Variants in PRKCA observed in about 807,000 individuals in gnomAD.
The protein encoded by PRKCA is protein kinase C alpha.
PRKCA carries 27 observed loss-of-function variants against 87.0 expected under a neutral mutation model. The ratio of observed to expected loss-of-function variants is 0.31; its 90% CI spans 0.23 to 0.43. The LOEUF is 0.43. Ranked by LOEUF, PRKCA falls within the 20% of genes least tolerant of loss-of-function variation. The probability of loss-of-function intolerance (pLI) is 1.00; values close to 1 mark genes in which losing one functional copy is unlikely to be tolerated. For missense variants in PRKCA, 518 were observed against 852.3 expected (o/e 0.61, Z 4.88); for synonymous variants, 329 against 311.1 (o/e 1.06, Z -0.61).
At chr17:66,621,432 T>G (rs1970678254) in intron 3 of PRKCA, among the ~76,000 whole-genome samples, 1 of 152,240 alleles carries the variant, frequency 6.6e-6, no homozygotes, top group African/African-American at 2.4e-5. Flanking sequence ...AAAAACATAC[T>G]TTGCTTTAAG....
intron 3 of PRKCA, chr17:66,554,499 A>G: frequency 4.3e-6 from 4 of 932,110 alleles, no homozygotes; most frequent in Non-Finnish European, 5.1e-6. Context: ...GACTACTCAC[A>G]TCATTTCTAT....
chr17:66,444,402 G>A (rs1453880704), intron 2 of PRKCA, among the ~76,000 whole-genome samples: 1 of 152,144 alleles, frequency 6.6e-6, no homozygotes, highest in Non-Finnish European at 1.5e-5. Flanking sequence ...TTAATGGGCC[G>A]CCTTTTATTT....
At chr17:66,535,143 G>A (rs1160700311) in intron 3 of PRKCA, among the ~76,000 whole-genome samples, 2 of 152,172 alleles carry the variant, frequency 1.3e-5, no homozygotes, top group Non-Finnish European at 2.9e-5. Context: ...TAGAGAGGTT[G>A]AGTAACTCCT....
At chr17:66,499,775 T>C (rs1185107892) in intron 3 of PRKCA, among the ~76,000 whole-genome samples, 1 of 152,194 alleles carries the variant, frequency 6.6e-6, no homozygotes, top group East Asian at 1.9e-4. Flanking sequence ...TAGATGAATT[T>C]TTTTTAATGT....
intron 5 of PRKCA, among the ~76,000 whole-genome samples, chr17:66,682,348 T>C (rs913409620): frequency 3.3e-5 from 5 of 152,268 alleles, no homozygotes; most frequent in Admixed American, 6.5e-5. Flanking sequence ...ATATAATTAG[T>C]ATTCTGTATT....
chr17:66,645,386 G>A lies in PRKCA; in HGVS notation c.404G>A (p.Cys135Tyr). The change falls in exon 5 of 17, where the codon TGC becomes TAC. Residue 135 changes from cysteine to tyrosine, a missense_variant. Transcript: ENST00000413366. Reference protein sequence around the residue: ...LIHQGMKCDTCDMNVHKQCVI... With the variant: ...LIHQGMKCDTYDMNVHKQCVI... ...CCTCTCCTTTCTTGATTCACAGCCT[G>A]CGATATGAACGTTCACAAGCAATGC... The A allele has an allele frequency of 1.9e-6, 3 of 1,614,170 alleles. No individual in the cohort carries two copies. Among genetic ancestry groups the A allele is most frequent in the Non-Finnish European group, 2.5e-6 (3 of 1,180,034 alleles).
At chr17:66,328,283 C>T (rs1342856006) in intron 2 of PRKCA, among the ~76,000 whole-genome samples, 1 of 151,982 alleles carries the variant, frequency 6.6e-6, no homozygotes, top group Non-Finnish European at 1.5e-5. Context: ...GAACTCCTGG[C>T]CGGTCTTGAA....
At chr17:66,315,983 G>A (rs73992398) in intron 2 of PRKCA, among the ~76,000 whole-genome samples, 1,565 of 152,316 alleles carry the variant, frequency 0.01, 25 homozygotes, top group African/African-American at 0.036. Flanking sequence ...TGAAATAACA[G>A]TTTTTGAAGC....
At chr17:66,587,506 A>G (rs1969632219) in intron 3 of PRKCA, among the ~76,000 whole-genome samples, 1 of 152,044 alleles carries the variant, frequency 6.6e-6, no homozygotes, top group Non-Finnish European at 1.5e-5. Context: ...GATGACAGTA[A>G]TTGGTTCGTT....
chr17:66,489,362 T>C (rs1916122883), intron 2 of PRKCA, among the ~76,000 whole-genome samples: 1 of 64,198 alleles, frequency 1.6e-5, no homozygotes, highest in Non-Finnish European at 3.2e-5. Flanking sequence ...CATATATATA[T>C]ATATATATAT....
chr17:66,302,855 G>A lies in PRKCA; in HGVS notation c.4G>A (p.Ala2Thr). The change falls in exon 1 of 17, where the codon GCT becomes ACT. Residue 2 changes from alanine to threonine, a missense_variant. Transcript: ENST00000413366. The part of the protein sequence containing the change: M[A>T]DVFPGNDSTA... The stretch of plus-strand genomic sequence containing the variant: ...CAAGAGGTGGTTGGGGGGGACCATG[G>A]CTGACGTTTTCCCGGGCAACGACTC... 3.1e-6 allele frequency: 5 copies of A among 1,602,554 alleles called. No individual in the cohort carries two copies. The highest frequency in any genetic ancestry group is 1.7e-5 in the Admixed American group (1 of 58,800).
rs557721440 is a variant in PRKCA at position 66,745,966 on chromosome 17, C to T, written c.1524+3206C>T. On this transcript the variant is annotated intron_variant, in intron 13 of 16. Transcript: ENST00000413366. ...CTTACTGTGCTTAAGCATGGTGCCA[C>T]GAGGGATACAAAAAGACATCAGATG... is the stretch of plus-strand genomic sequence containing the variant. Among the ~76,000 whole-genome samples the T allele has an allele frequency of 1.6e-4, 24 of 152,156 alleles. 1 individual carries two copies. In the South Asian group the frequency reaches 1.7e-3, roughly 11 times the overall value.
intron 5 of PRKCA, among the ~76,000 whole-genome samples, chr17:66,651,306 C>A (rs777519331): frequency 1.3e-5 from 2 of 152,144 alleles, no homozygotes; most frequent in Non-Finnish European, 2.9e-5. Context: ...AGGAGCCATG[C>A]GCACAGGCTC....
chr17:66,369,202 A>C lies in PRKCA; in HGVS notation c.205+63075A>C, dbSNP rs538533661. ...AAAACCTGTAAAGTCCTGGAGTTTC[A>C]TCACAGATGATGCTATTGCAGAGCC... On this transcript the variant is annotated intron_variant, in intron 2 of 16. Transcript: ENST00000413366. 2.6e-5 allele frequency among the ~76,000 whole-genome samples: 4 copies of C among 152,360 alleles called. No homozygotes were observed. The East Asian group carries it at 7.7e-4, about 29-fold the overall frequency.
chr17:66,536,220 A>G (rs951027991), intron 3 of PRKCA, among the ~76,000 whole-genome samples: 2 of 152,258 alleles, frequency 1.3e-5, no homozygotes, highest in African/African-American at 4.8e-5. Flanking sequence ...TGTGTAAGAA[A>G]TATGAGTTAT....
At chr17:66,368,370 A>G (rs200719298) in intron 2 of PRKCA, among the ~76,000 whole-genome samples, 30 of 24,170 alleles carry the variant, frequency 1.2e-3, no homozygotes, top group Admixed American at 8.7e-3. Context: ...ATATGTATAT[A>G]TATATATATA....
chr17:66,706,045 A>G (rs1253358810), intron 8 of PRKCA, among the ~76,000 whole-genome samples: 1 of 152,200 alleles, frequency 6.6e-6, no homozygotes, highest in Non-Finnish European at 1.5e-5. Flanking sequence ...TGCACCTCCA[A>G]GTATGGGAGC....
rs770861199 is a variant in PRKCA, at chr17:66,803,567, G to A, written c.1855-306G>A. Among the ~76,000 whole-genome samples the A allele has an allele frequency of 6.6e-6, 1 of 152,262 alleles. No individual in the cohort carries two copies. The highest frequency in any genetic ancestry group is 2.4e-5 in the African/African-American group (1 of 41,570). On this transcript the variant is annotated intron_variant, in intron 16 of 16. Coordinates refer to ENST00000413366, the MANE Select transcript of PRKCA (RefSeq NM_002737.3). The surrounding 1 kb of genome is among the most constrained non-coding windows in gnomAD (Gnocchi z 4.4). ...GCGTGGCTTCCGTGCTCTCAGCTCC[G>A]CTTGCTCGGTGAGGTGGACGTGAGG...
intron 8 of PRKCA, among the ~76,000 whole-genome samples, chr17:66,707,086 C>A (rs1443504036): frequency 2.0e-5 from 3 of 152,116 alleles, no homozygotes; most frequent in African/African-American, 7.2e-5. Flanking sequence ...CCCTATGACA[C>A]CCCCTTTTCT....
Sources: allele counts gnomAD v4.1 joint callset (sites outside exome capture counted in the v4.1 genomes callset), GRCh38; gene constraint gnomAD v4.1.1; non-coding constraint Gnocchi (gnomAD v3.1); transcripts MANE v1.5; gene names NCBI Gene and HGNC (gene_info 2026-07-23, HGNC 2026-07-21).